SYNE2: variants seen among roughly 807,000 people sequenced by gnomAD.
SYNE2 encodes spectrin repeat containing nuclear envelope protein 2.
Under a neutral mutation model 856.3 loss-of-function variants are expected in SYNE2, and 431 were observed. The ratio of observed to expected loss-of-function variants is 0.50; its 90% confidence interval spans 0.47 to 0.55. The LOEUF is 0.55. Among genes scored for constraint, SYNE2 ranks in the 20% least tolerant of loss-of-function variants. The probability of loss-of-function intolerance (pLI) is 0.00; values close to 1 mark genes in which losing one functional copy is unlikely to be tolerated. For missense variants in SYNE2, 8,129 were observed against 8,023.2 expected (o/e 1.01, Z -0.50); for synonymous variants, 2,923 against 2,872.3 (o/e 1.02, Z -0.56).
chr14:63,811,060 C>G (rs1317060723), intron 1 of SYNE2, among the ~76,000 whole-genome samples: 2 of 152,132 alleles, frequency 1.3e-5, no homozygotes, highest in African/African-American at 2.4e-5. Context: ...TGTTCTTGAT[C>G]TCCTGACCTC....
rs201196297 is a variant in SYNE2 at position 64,121,066 on chromosome 14, T to G, written c.13158+5T>G. 45 of 1,613,838 alleles carry G rather than the reference T, an allele frequency of 2.8e-5. No individual in the cohort carries two copies. The highest frequency in any genetic ancestry group is 3.6e-5 in the Non-Finnish European group (43 of 1,179,912). On this transcript the variant is annotated splice_donor_5th_base_variant and intron_variant, in intron 68 of 115. Transcript: ENST00000555002. ...AAAGATTTCCAGCAGCAACAGGTAA[T>G]TCTAGCCCCCAACAGTTGTAGGGAC...
chr14:63,763,225 C>T (rs1886555552), intron 1 of SYNE2, among the ~76,000 whole-genome samples: 1 of 152,160 alleles, frequency 6.6e-6, no homozygotes, highest in Admixed American at 6.5e-5. Context: ...GCCTCGGCCT[C>T]CCAAAGTGCT....
At chr14:64,061,394 C>T (rs1419670948) in intron 49 of SYNE2, among the ~76,000 whole-genome samples, 4 of 152,160 alleles carry the variant, frequency 2.6e-5, no homozygotes, top group Admixed American at 2.6e-4. Context: ...GGGTAAATAT[C>T]TAGGAGTGTG....
At chr14:64,091,710 G>T (rs376886158) in intron 60 of SYNE2, among the ~76,000 whole-genome samples, 13 of 152,178 alleles carry the variant, frequency 8.5e-5, no homozygotes, top group African/African-American at 3.1e-4. Flanking sequence ...ATCATCATTA[G>T]TTAGGAATAA....
intron 1 of SYNE2, among the ~76,000 whole-genome samples, chr14:63,895,775 CAAAAAAAAAAAAA>C (rs10544076): frequency 2.2e-5 from 2 of 92,624 alleles, no homozygotes; most frequent in African/African-American, 9.1e-5. Flanking sequence ...TCCAAATCTC[CAAAAAAAAAAAAA>C]AAAAAAACCT....
At chr14:63,988,555 C>G (rs2153481737) in intron 19 of SYNE2, among the ~76,000 whole-genome samples, 1 of 152,272 alleles carries the variant, frequency 6.6e-6, no homozygotes, top group East Asian at 1.9e-4. Flanking sequence ...CAAATAAGAT[C>G]AACATTTACA....
chr14:64,021,241 C>T (rs1235099432), intron 35 of SYNE2, 74 bp from the exon 36 acceptor site: 13 of 1,160,514 alleles, frequency 1.1e-5, no homozygotes, highest in Non-Finnish European at 1.0e-5. Flanking sequence ...TCAACCCATT[C>T]TCTAGCAATG....
chr14:63,887,749 CTT>C (rs11450102), intron 1 of SYNE2, among the ~76,000 whole-genome samples: 6 of 108,280 alleles, frequency 5.5e-5, no homozygotes, highest in African/African-American at 1.2e-4. Context: ...GTGAGTCCTG[CTT>C]TTTTTTTTTT....
In SYNE2 at chr14:64,030,016, C is replaced by T. The variant is rs2097019470; in HGVS notation, c.6836C>T (p.Pro2279Leu). 1.2e-6 allele frequency: 2 copies of T among 1,613,972 alleles called. No individual in the cohort carries two copies. The highest frequency in any genetic ancestry group is 1.7e-6 in the Non-Finnish European group (2 of 1,179,988). The change falls in exon 44 of 116, where the codon CCT (proline) becomes CTT (leucine). Residue 2279 changes from proline to leucine, a missense_variant. Pro to Leu is a moderately conservative substitution (Grantham distance 98). This residue lies in a region of SYNE2 where 297 missense variants were observed against 380.9 expected (regional missense o/e 0.78). Coordinates refer to ENST00000555002, the MANE Select transcript of SYNE2 (RefSeq NM_182914.3). ...GAATTTGTCAGTTTTTCTGATAAGC[C>T]TGTGGATCAAATAGCGGTTGAGGAA... is the stretch of plus-strand genomic sequence containing the variant. ...SKEFVSFSDKPVDQIAVEEKL... is the reference protein window; with the variant it reads ...SKEFVSFSDKLVDQIAVEEKL...
chr14:64,153,645 C>T (rs2098263389), intron 85 of SYNE2, among the ~76,000 whole-genome samples: 1 of 152,188 alleles, frequency 6.6e-6, no homozygotes, highest in African/African-American at 2.4e-5. Flanking sequence ...GTGTGAGGTA[C>T]TGTGCTCACT....
chr14:64,148,780 T>C (rs1218790462), intron 84 of SYNE2, among the ~76,000 whole-genome samples: 1 of 152,288 alleles, frequency 6.6e-6, no homozygotes, highest in East Asian at 1.9e-4. Flanking sequence ...TGTAGCATCA[T>C]GTGTCAGAGA....
At chr14:64,201,738 GAGTT>G (rs774238942) in intron 99 of SYNE2, among the ~76,000 whole-genome samples, 44 of 152,190 alleles carry the variant, frequency 2.9e-4, no homozygotes, top group Non-Finnish European at 5.7e-4. Context: ...TGCTTCCTGA[GAGTT>G]AGGGTCAGTG....
chr14:64,153,504 A>G (rs1397632968), intron 85 of SYNE2, among the ~76,000 whole-genome samples: 1 of 152,200 alleles, frequency 6.6e-6, no homozygotes, highest in East Asian at 1.9e-4. Flanking sequence ...CATTTGTACC[A>G]AGAGGGAATA....
intron 66 of SYNE2, among the ~76,000 whole-genome samples, chr14:64,115,341 C>A (rs1199914299): frequency 6.6e-6 from 1 of 152,050 alleles, no homozygotes; most frequent in Non-Finnish European, 1.5e-5. Flanking sequence ...CTTCCAGAGG[C>A]TAAGGCATAG....
At chr14:64,004,191 A>ATTT (rs35011962) in intron 30 of SYNE2, among the ~76,000 whole-genome samples, 1 of 138,326 alleles carries the variant, frequency 7.2e-6, no homozygotes, top group African/African-American at 2.7e-5. Context: ...TGCCTGGCTA[A>ATTT]TTTTTTTTTT....
Position 64,056,228 on chromosome 14 carries a change from G to A in SYNE2, c.10029G>A (p.Met3343Ile). The A allele has an allele frequency of 6.2e-7, 1 of 1,614,110 alleles. No individual in the cohort carries two copies. The change falls in exon 49 of 116, where the codon ATG (methionine) becomes ATA (isoleucine). Residue 3343 changes from methionine (M) to isoleucine (I), a missense_variant. This residue lies in a region of SYNE2 where 5,410 missense variants were observed against 5,284.8 expected (regional missense o/e 1.02). Transcript: ENST00000555002. ...LQELVSKNSA[M>I]KEAFKAQETE... is the part of the protein sequence containing the mutation. ...AACTAGTTTCTAAGAACTCAGCAAT[G>A]AAGGAAGCTTTCAAAGCACAGGAAA...
At chr14:64,009,823 A>T in intron 31 of SYNE2, 143 bp from the exon 32 acceptor site, 1 of 693,962 alleles carries the variant, frequency 1.4e-6, no homozygotes, top group Non-Finnish European at 2.4e-6. Flanking sequence ...TTCTTAGGTT[A>T]AATTGGTAAA....
At chr14:64,144,877 A>G (rs2098168422) in intron 83 of SYNE2, among the ~76,000 whole-genome samples, 1 of 149,882 alleles carries the variant, frequency 6.7e-6, no homozygotes. Context: ...CTAGGGGAAT[A>G]GTTCATCGAA....
upstream of SYNE2, among the ~76,000 whole-genome samples, chr14:63,850,333 C>T (rs886848317): frequency 6.6e-6 from 1 of 151,020 alleles, no homozygotes; most frequent in African/African-American, 2.4e-5. Context: ...GGTGATCCAC[C>T]TGCCTCAGCC....
Sources: gnomAD v4.1 joint callset for allele counts (sites outside exome capture counted in the v4.1 genomes callset) on GRCh38, gnomAD v4.1.1 for gene constraint, gnomAD v4.1.1 regional missense constraint, MANE v1.5 for transcripts, NCBI Gene and HGNC (gene_info 2026-07-23, HGNC 2026-07-21) for gene names.